Variants in ISG20L2 observed in about 807,000 individuals in gnomAD.
The protein encoded by ISG20L2 is interferon stimulated exonuclease gene 20 like 2, also known as interferon-stimulated 20 kDa exonuclease-like 2.
In ISG20L2, 14 loss-of-function variants were observed where a neutral mutation model predicts 27.8. The observed-to-expected ratio is 0.50, with a 90% CI of 0.33 to 0.79. The LOEUF is 0.79. Ranked by LOEUF, ISG20L2 falls within the 30% of genes least tolerant of loss-of-function variation. The pLI, the probability that ISG20L2 is intolerant of heterozygous loss-of-function variation, is 0.02. For missense variants in ISG20L2, 393 were observed against 435.1 expected, an observed-to-expected ratio of 0.90 and a Z score of 0.86; for synonymous variants, 157 against 165.7, an observed-to-expected ratio of 0.95 and a Z score of 0.40.
In ISG20L2 at chr1:156,723,915, T is replaced by C; in HGVS notation, c.948+233A>G. The C allele has an allele frequency of 2.3e-6, 3 of 1,325,546 alleles. No individual in the cohort carries two copies. The South Asian group carries it at 5.2e-5, about 23-fold the overall frequency. The allele number at this position is 1,325,546 out of a possible 1,614,324, so 82.1% of individuals were successfully genotyped here. Reference sequence around the variant, plus strand: ...CCACCACTGCTACCTGCTTTCTTCCTTAGTTAGGGTTTTATATCTACTTAG... The same window carrying C: ...CCACCACTGCTACCTGCTTTCTTCCCTAGTTAGGGTTTTATATCTACTTAG... On this transcript the variant is annotated intron_variant, in intron 3 of 3. Transcript: ENST00000368219.
In ISG20L2 at chr1:156,727,033, T is replaced by C; in HGVS notation, c.620A>G (p.Asn207Ser). ...GTACTCGTCATAAAGCACATCTCCG[T>C]TGTAGTTGACAATGCTACATCGAGC... is the stretch of plus-strand genomic sequence containing the variant. The part of the protein sequence containing the change: ...SLARCSIVNY[N>S]GDVLYDEYIL... Residue 207 changes from asparagine to serine, a missense_variant, in exon 2 of 4, where the codon AAC becomes AGC. By Grantham distance (46) the Asn-to-Ser change is conservative (BLOSUM62 1). This residue lies in a region of ISG20L2 where 171 missense variants were observed against 195.3 expected (regional missense o/e 0.88). Coordinates refer to ENST00000368219, the MANE Select transcript of ISG20L2 (RefSeq NM_001370150.2). 2.5e-6 allele frequency: 4 copies of C among 1,614,162 alleles called. No individual in the cohort carries two copies. The highest frequency in any genetic ancestry group is 3.4e-6 in the Non-Finnish European group (4 of 1,180,016).
intron 1 of ISG20L2, 157 bp from the exon 2 acceptor site, chr1:156,727,926 T>G: frequency 8.4e-7 from 1 of 1,190,132 alleles, no homozygotes; most frequent in Non-Finnish European, 1.0e-6. Flanking sequence ...GAGGGAGCAT[T>G]GGTGTTAGCC....
chr1:156,726,532 G>T, intron 2 of ISG20L2: 2 of 738,558 alleles, frequency 2.7e-6, no homozygotes, highest in Non-Finnish European at 3.3e-6. Context: ...GAGTAGCTGG[G>T]ACTACAGGCA....
Position 156,727,706 on chromosome 1 carries a change from G to C in ISG20L2, c.-54C>G, listed in dbSNP as rs1648860317. On this transcript the variant is annotated 5_prime_UTR_variant, in exon 2 of 4. Transcript: ENST00000368219. ...GGGAAGAGTGGCTTATGGATGAAAA[G>C]AGGATGTGGGACTCATTCTCTGCTG... 1 of 1,565,074 alleles carries C rather than the reference G, an allele frequency of 6.4e-7. No individual in the cohort carries two copies. Among genetic ancestry groups the C allele is most frequent in the Non-Finnish European group, 8.6e-7 (1 of 1,162,228 alleles).
chr1:156,728,158 G>A (rs1648895056), intron 1 of ISG20L2: 1 of 987,286 alleles, frequency 1.0e-6, no homozygotes, highest in African/African-American at 1.7e-5. Flanking sequence ...GTATGGCGTA[G>A]ATAACCTCTG....
In ISG20L2 at chr1:156,726,994, C is replaced by T. The variant is rs1648802419; in HGVS notation, c.659G>A (p.Cys220Tyr). 1 of 1,614,092 alleles carries T rather than the reference C, an allele frequency of 6.2e-7. No homozygotes were observed. The highest frequency in any genetic ancestry group is 1.3e-5 in the African/African-American group (1 of 74,924). The part of the protein sequence containing the change: ...VLYDEYILPP[C>Y]HIVDYRTRWS... ...CCTGGTTCGGTAGTCCACAATGTGG[C>T]AGGGGGGAAGAATGTACTCGTCATA... Residue 220 changes from cysteine (C) to tyrosine (Y), a missense_variant, in exon 2 of 4, where the codon TGC becomes TAC. By Grantham distance (194) the Cys-to-Tyr change is radical. Transcript: ENST00000368219.
At chr1:156,723,726 T>C in intron 3 of ISG20L2, 1 of 985,434 alleles carries the variant, frequency 1.0e-6, no homozygotes, top group Non-Finnish European at 1.2e-6. Context: ...AGATAGAACA[T>C]ACCAGGTCAA....
At chr1:156,723,650 G>A (rs1648629669) in intron 3 of ISG20L2, 188 bp from the exon 4 acceptor site, 1 of 985,274 alleles carries the variant, frequency 1.0e-6, no homozygotes, top group South Asian at 4.7e-5. Flanking sequence ...CTCCTAGGAA[G>A]TCTTTGCCAC....
chr1:156,726,487 G>A (rs555510436), intron 2 of ISG20L2: 2 of 895,180 alleles, frequency 2.2e-6, no homozygotes, highest in Non-Finnish European at 2.7e-6. Context: ...CAGTGGCAGT[G>A]GTGTGATCTC....
chr1:156,726,858 C>T (rs1376228501), intron 2 of ISG20L2, 48 bp downstream of exon 2: 5 of 1,569,404 alleles, frequency 3.2e-6, no homozygotes, highest in African/African-American at 2.7e-5. Flanking sequence ...ATGATTTAGA[C>T]CTCTCTCCAT....
chr1:156,727,396 T>G lies in ISG20L2; in HGVS notation c.257A>C (p.Asn86Thr). ...FPKKKTAASS[N>T]GSGQPLDKKA... is the part of the protein sequence containing the mutation. ...CTTGTCCAGGGGCTGTCCTGACCCA[T>G]TGCTGGAAGCAGCTGTCTTCTTTTT... The change falls in exon 2 of 4, where the codon AAT becomes ACT. Residue 86 changes from asparagine to threonine, a missense_variant. Asn to Thr is a moderately conservative substitution (Grantham distance 65). Around this residue, in one of 3 missense-constraint regions of ISG20L2, gnomAD observed 183 missense variants for 168.2 expected, o/e 1.09. Coordinates refer to ENST00000368219, the MANE Select transcript of ISG20L2 (RefSeq NM_001370150.2). 1.2e-6 allele frequency: 2 copies of G among 1,614,200 alleles called. No individual in the cohort carries two copies. The highest frequency in any genetic ancestry group is 1.7e-6 in the Non-Finnish European group (2 of 1,180,022).
At position 156,722,614 on chromosome 1, in the gene ISG20L2, T is replaced by C; in HGVS notation, c.*735A>G. 6.7e-6 allele frequency: 1 copy of C among 148,766 alleles called. No homozygotes were observed. Among genetic ancestry groups the C allele is most frequent in the Non-Finnish European group, 1.5e-5 (1 of 67,164 alleles). The allele number at this position is 148,766 out of a possible 1,614,324, so 9.2% of individuals were successfully genotyped here. A position where few individuals can be genotyped will look rare whatever the true frequency, so the allele number is the denominator to read the frequency against. On this transcript the variant is annotated 3_prime_UTR_variant, in exon 4 of 4. Coordinates refer to ENST00000368219, the MANE Select transcript of ISG20L2 (RefSeq NM_001370150.2). ...ACCAGGTTAATAAATTCTTTTTTTT[T>C]TTTTTTGGAGACGGAGTCTCACTCT...
In ISG20L2 at chr1:156,724,132, T is replaced by C. The variant is rs371302179; in HGVS notation, c.948+16A>G. Reference sequence around the variant, plus strand: ...CCATGTCCAAGATGGGGGCGGGGGATGTGGGGAGATGCTACCTGGATATCC... The same window carrying C: ...CCATGTCCAAGATGGGGGCGGGGGACGTGGGGAGATGCTACCTGGATATCC... On this transcript the variant is annotated intron_variant, in intron 3 of 3. Coordinates refer to ENST00000368219, the MANE Select transcript of ISG20L2 (RefSeq NM_001370150.2). 80 of 1,581,866 alleles carry C rather than the reference T, an allele frequency of 5.1e-5. No individual in the cohort carries two copies. Among genetic ancestry groups the C allele is most frequent in the Non-Finnish European group, 6.7e-5 (77 of 1,152,910 alleles).
At chr1:156,726,360 C>A in intron 2 of ISG20L2, 1 of 985,392 alleles carries the variant, frequency 1.0e-6, no homozygotes, top group Non-Finnish European at 1.2e-6. Context: ...AGTTTCATCA[C>A]TTGCTGTTAT....
chr1:156,726,608 T>A, intron 2 of ISG20L2: 1 of 904,864 alleles, frequency 1.1e-6, no homozygotes, highest in Non-Finnish European at 1.3e-6. Context: ...GGGCTTGAGT[T>A]CCTGGGCTTG....
In ISG20L2 at chr1:156,723,189, A is replaced by C; in HGVS notation, c.*160T>G. The C allele has an allele frequency of 1.2e-6, 1 of 843,908 alleles. No homozygotes were observed. The highest frequency in any genetic ancestry group is 1.9e-6 in the Non-Finnish European group (1 of 540,282). 52.3% of individuals were successfully genotyped at this position (843,908 alleles called of 1,614,324 possible). A position where few individuals can be genotyped will look rare whatever the true frequency, so the allele number is the denominator to read the frequency against. On this transcript the variant is annotated 3_prime_UTR_variant, in exon 4 of 4. Transcript: ENST00000368219. ...AACCAGACACAGGACACAACACCTG[A>C]GGTGAAATTTCAATGGGTATTAAGT...
intron 1 of ISG20L2, chr1:156,728,022 T>C: frequency 9.7e-7 from 1 of 1,035,240 alleles, no homozygotes; most frequent in Non-Finnish European, 1.2e-6. Flanking sequence ...TGAGTCTCAT[T>C]TGTAAAATGA....
chr1:156,727,687 A>G lies in ISG20L2; in HGVS notation c.-35T>C. On this transcript the variant is annotated 5_prime_UTR_variant, in exon 2 of 4. Coordinates refer to ENST00000368219, the MANE Select transcript of ISG20L2 (RefSeq NM_001370150.2). ...GGAAGGCGGAAGAGTAGTTGGGAAG[A>G]GTGGCTTATGGATGAAAAGAGGATG... 1.3e-6 allele frequency: 2 copies of G among 1,587,912 alleles called. No homozygotes were observed. Among genetic ancestry groups the G allele is most frequent in the Non-Finnish European group, 1.7e-6 (2 of 1,170,694 alleles).
At position 156,726,948 on chromosome 1, in the gene ISG20L2, C is replaced by T. The variant is rs1176458394; in HGVS notation, c.705G>A (p.Gln235=). 1 of 1,614,062 alleles carries T rather than the reference C, an allele frequency of 6.2e-7. No homozygotes were observed. Among genetic ancestry groups the T allele is most frequent in the African/African-American group, 1.3e-5 (1 of 74,940 alleles). Residue 235 remains glutamine, a synonymous_variant, in exon 2 of 4, where the codon CAG becomes CAA. Coordinates refer to ENST00000368219, the MANE Select transcript of ISG20L2 (RefSeq NM_001370150.2). ...TGAAGGGTGTGGCATTCACCATGTG[C>T]TGCTTCCGGATACCACTCCACCTGG... ...YRTRWSGIRK[Q]HMVNATPFKI...
Sources: allele counts gnomAD v4.1 joint callset, GRCh38; gene constraint gnomAD v4.1.1; regional missense constraint gnomAD v4.1.1; transcripts MANE v1.5; gene names NCBI Gene and HGNC (gene_info 2026-07-23, HGNC 2026-07-21).